The following OXR1 variants were observed in gnomAD, a reference collection of about 807,000 sequenced individuals.
OXR1 encodes the protein oxidation resistance 1, also known as oxidation resistance protein 1.
A neutral mutation model predicts 104.6 loss-of-function variants in OXR1; 41 were observed. The ratio of observed to expected loss-of-function variants is 0.39; its 90% CI spans 0.31 to 0.51. The LOEUF (loss-of-function observed/expected upper bound fraction) is 0.51. Ranked by LOEUF, OXR1 falls within the 20% of genes least tolerant of loss-of-function variation. The pLI, the probability that OXR1 is intolerant of heterozygous loss-of-function variation, is 0.77. For missense variants in OXR1, 955 were observed against 1,031.9 expected (o/e 0.93, Z 1.02); for synonymous variants, 348 against 348.4 (o/e 1.00, Z 0.01).
chr8:106,411,920 G>T (rs1277518344), intron 2 of OXR1, among the ~76,000 whole-genome samples: 3 of 152,110 alleles, frequency 2.0e-5, no homozygotes, highest in African/African-American at 7.2e-5. Context: ...GAGCCAAAGT[G>T]CTCAGGATCC....
At chr8:106,568,515 C>A (rs1456536957) in intron 3 of OXR1, among the ~76,000 whole-genome samples, 1 of 151,982 alleles carries the variant, frequency 6.6e-6, no homozygotes, top group Non-Finnish European at 1.5e-5. Flanking sequence ...ACATAAAAGA[C>A]AATTTTCCCC....
intron 9 of OXR1, 77 bp downstream of exon 9, chr8:106,707,222 C>G: frequency 7.2e-7 from 1 of 1,385,996 alleles, no homozygotes; most frequent in Non-Finnish European, 1.0e-6. Flanking sequence ...ACTCAAAAGC[C>G]GCTGTACCTT....
chr8:106,708,686 T>G (rs1831393660), intron 9 of OXR1, among the ~76,000 whole-genome samples: 1 of 152,214 alleles, frequency 6.6e-6, no homozygotes, highest in Non-Finnish European at 1.5e-5. Flanking sequence ...CTGGACATTT[T>G]GGTTGTTTCA....
chr8:106,670,348 C>G (rs1826808345), intron 3 of OXR1, among the ~76,000 whole-genome samples: 1 of 152,170 alleles, frequency 6.6e-6, no homozygotes, highest in Non-Finnish European at 1.5e-5. Context: ...AACATTAATT[C>G]TTTCTGGAGA....
intron 2 of OXR1, among the ~76,000 whole-genome samples, chr8:106,369,242 G>T (rs1816608149): frequency 6.6e-6 from 1 of 152,116 alleles, no homozygotes; most frequent in Non-Finnish European, 1.5e-5. Flanking sequence ...TTTTGATGGG[G>T]TTGTTTGTTT....
intron 3 of OXR1, among the ~76,000 whole-genome samples, chr8:106,655,749 A>G (rs1417251660): frequency 2.0e-5 from 3 of 152,194 alleles, no homozygotes; most frequent in African/African-American, 4.8e-5. Flanking sequence ...ATATGAATAG[A>G]AGGATTTTAG....
intron 1 of OXR1, among the ~76,000 whole-genome samples, chr8:106,303,883 A>G (rs16874335): frequency 0.087 from 13,223 of 152,248 alleles, 657 homozygotes; most frequent in African/African-American, 0.13. Context: ...GCTTAAGACA[A>G]AAGACATCAT....
chr8:106,397,614 G>A (rs1817832711), intron 2 of OXR1, among the ~76,000 whole-genome samples: 1 of 151,734 alleles, frequency 6.6e-6, no homozygotes, highest in Admixed American at 6.6e-5. Context: ...TTCCTGTTTG[G>A]GGATTTAAAT....
chr8:106,569,191 G>A (rs1351465840), intron 3 of OXR1, among the ~76,000 whole-genome samples: 2 of 152,120 alleles, frequency 1.3e-5, no homozygotes, highest in African/African-American at 4.8e-5. Flanking sequence ...GGCTTTCTGT[G>A]TTTTGTTCCC....
intron 3 of OXR1, among the ~76,000 whole-genome samples, chr8:106,664,190 C>A (rs183099782): frequency 2.0e-5 from 3 of 152,314 alleles, no homozygotes; most frequent in Admixed American, 2.0e-4. Context: ...GCTTGTCTCA[C>A]AGGATAGCTG....
chr8:106,706,676 A>G lies in OXR1; in HGVS notation c.1155A>G (p.Ser385=), dbSNP rs148935542. 7 of 1,613,386 alleles carry G rather than the reference A, an allele frequency of 4.3e-6. No individual in the cohort carries two copies. The highest frequency in any genetic ancestry group is 5.9e-6 in the Non-Finnish European group (7 of 1,179,806). Residue 385 remains serine, a synonymous_variant, in exon 9 of 17, where the codon TCA becomes TCG. Coordinates refer to ENST00000517566, the MANE Select transcript of OXR1 (RefSeq NM_001198533.2). ...QAEVESLTVK[S]ESTGTPGHLR... ...AAGTAGAAAGTCTGACAGTCAAATCAGAATCTACTGGTACTCCTGGTCACT... is the reference window on the plus strand; with the variant it reads ...AAGTAGAAAGTCTGACAGTCAAATCGGAATCTACTGGTACTCCTGGTCACT...
chr8:106,575,826 A>G (rs982635287), intron 3 of OXR1, among the ~76,000 whole-genome samples: 1 of 152,114 alleles, frequency 6.6e-6, no homozygotes, highest in Non-Finnish European at 1.5e-5. Context: ...TTCAAAGCAC[A>G]TTAATTCTTA....
intron 16 of OXR1, among the ~76,000 whole-genome samples, chr8:106,750,374 G>A (rs1835792265): frequency 7.2e-6 from 1 of 138,026 alleles, no homozygotes; most frequent in African/African-American, 2.7e-5. Context: ...CGCGCAGGCT[G>A]GAGTGCAATG....
At chr8:106,617,410 C>T in intron 3 of OXR1, among the ~76,000 whole-genome samples, 1 of 151,704 alleles carries the variant, frequency 6.6e-6, no homozygotes, top group Non-Finnish European at 1.5e-5. Flanking sequence ...GCCTGGGTGA[C>T]AGAGCAAGGC....
At chr8:106,302,859 C>T (rs1180289774) in intron 1 of OXR1, among the ~76,000 whole-genome samples, 11 of 151,592 alleles carry the variant, frequency 7.3e-5, no homozygotes, top group Non-Finnish European at 1.3e-4. Context: ...TCATGCCATT[C>T]TCCTGCCTCG....
At chr8:106,471,234 T>A in intron 2 of OXR1, among the ~76,000 whole-genome samples, 1 of 151,798 alleles carries the variant, frequency 6.6e-6, no homozygotes, top group South Asian at 2.1e-4. Flanking sequence ...TGGGCTTGAA[T>A]AGATGATAAG....
chr8:106,478,741 A>G (rs1013945788), intron 2 of OXR1, among the ~76,000 whole-genome samples: 1 of 151,802 alleles, frequency 6.6e-6, no homozygotes, highest in Admixed American at 6.6e-5. Context: ...AATTTGTACT[A>G]TTATTTAATT....
In OXR1 at chr8:106,706,327, A is replaced by C; in HGVS notation, c.861-55A>C. On this transcript the variant is annotated intron_variant, in intron 8 of 16. Coordinates refer to ENST00000517566, the MANE Select transcript of OXR1 (RefSeq NM_001198533.2). Reference sequence around the variant, plus strand: ...CTAATTCTGTGTTCAGTGTGTGAAAAGTAAAATACCACAATTTTAAAAGTC... The same window carrying C: ...CTAATTCTGTGTTCAGTGTGTGAAACGTAAAATACCACAATTTTAAAAGTC... 1.7e-5 allele frequency: 22 copies of C among 1,323,364 alleles called. No individual in the cohort carries two copies. In the South Asian group the frequency reaches 3.0e-4, roughly 18 times the overall value. The allele number at this position is 1,323,364 out of a possible 1,614,324, so 82.0% of individuals were successfully genotyped here.
chr8:106,593,814 A>G (rs1819303506), intron 3 of OXR1, among the ~76,000 whole-genome samples: 1 of 152,208 alleles, frequency 6.6e-6, no homozygotes, highest in African/African-American at 2.4e-5. Flanking sequence ...AACTAAGTCC[A>G]GTTGTGGAAA....
Sources: gnomAD v4.1 joint callset for allele counts (sites outside exome capture counted in the v4.1 genomes callset) on GRCh38, gnomAD v4.1.1 for gene constraint, MANE v1.5 for transcripts, NCBI Gene and HGNC (gene_info 2026-07-23, HGNC 2026-07-21) for gene names.